RHOD: variants seen among roughly 807,000 people sequenced by gnomAD.
RHOD encodes the protein ras homolog family member D, also known as rho-related GTP-binding protein RhoD.
In RHOD, 11 loss-of-function variants were observed where a neutral mutation model predicts 16.7. That is an observed-to-expected ratio of 0.66 (90% CI 0.41 to 1.09). The LOEUF is 1.09. Ranked by LOEUF, RHOD falls within the 50% of genes least tolerant of loss-of-function variation. The pLI is 0.00. For synonymous variants in RHOD, 124 were observed against 126.3 expected, an observed-to-expected ratio of 0.98 and a Z score of 0.12; for missense variants, 271 against 291.7, an observed-to-expected ratio of 0.93 and a Z score of 0.52.
chr11:67,061,838 G>GTA (rs1355850174), intron 1 of RHOD, among the ~76,000 whole-genome samples: 14 of 144,518 alleles, frequency 9.7e-5, no homozygotes, highest in African/African-American at 2.8e-4. Flanking sequence ...GTGTGTGTGT[G>GTA]TGTGTGTATA....
intron 3 of RHOD, among the ~76,000 whole-genome samples, chr11:67,069,174 C>T (rs879232674): frequency 1.3e-5 from 2 of 151,960 alleles, no homozygotes. Context: ...CCAAACCAGC[C>T]GACTTCAGCC....
Position 67,071,499 on chromosome 11 carries a change from A to C in RHOD, c.530A>C (p.Asp177Ala), listed in dbSNP as rs775990016. The C allele has an allele frequency of 1.2e-6, 2 of 1,611,170 alleles. No individual in the cohort carries two copies. Among genetic ancestry groups the C allele is most frequent in the South Asian group, 1.1e-5 (1 of 91,024 alleles). The change falls in exon 5 of 5, where the codon GAC becomes GCC. Residue 177 changes from aspartate to alanine, a missense_variant. Coordinates refer to ENST00000308831, the MANE Select transcript of RHOD (RefSeq NM_014578.4). ...AYLECSARLH[D>A]NVHAVFQEAA... ...CTCGAGTGCTCGGCTCGGCTCCATG[A>C]CAACGTCCACGCCGTCTTCCAGGAG...
At chr11:67,065,123 T>C (rs1175047674) in intron 1 of RHOD, among the ~76,000 whole-genome samples, 1 of 151,678 alleles carries the variant, frequency 6.6e-6, no homozygotes, top group Admixed American at 6.6e-5. Flanking sequence ...TCACCCAGAC[T>C]GGAATGCAAT....
At chr11:67,063,462 A>G (rs972513042) in intron 1 of RHOD, among the ~76,000 whole-genome samples, 4 of 147,954 alleles carry the variant, frequency 2.7e-5, no homozygotes, top group Admixed American at 2.0e-4. Flanking sequence ...CACTGCACTC[A>G]GGCCTGGGTG....
intron 1 of RHOD, among the ~76,000 whole-genome samples, chr11:67,061,941 G>A (rs545580681): frequency 2.4e-4 from 36 of 151,288 alleles, no homozygotes; most frequent in African/African-American, 7.8e-4. Flanking sequence ...GGCAGAGGCT[G>A]CAGTGAGCAA....
chr11:67,063,393 T>C (rs1016770360), intron 1 of RHOD, among the ~76,000 whole-genome samples: 5 of 151,546 alleles, frequency 3.3e-5, no homozygotes, highest in African/African-American at 1.2e-4. Flanking sequence ...CTCAGGAGGC[T>C]GAGGTAGGAG....
chr11:67,069,196 C>A (rs1017596610), intron 3 of RHOD, among the ~76,000 whole-genome samples: 1 of 151,996 alleles, frequency 6.6e-6, no homozygotes, highest in African/African-American at 2.4e-5. Context: ...ACTTAGTGCT[C>A]CTGGAGATAG....
In RHOD at chr11:67,066,856, T is replaced by G; in HGVS notation, c.330+9T>G. 1 of 1,589,164 alleles carries G rather than the reference T, an allele frequency of 6.3e-7. No homozygotes were observed. The highest frequency in any genetic ancestry group is 1.3e-5 in the African/African-American group (1 of 74,542). On this transcript the variant is annotated intron_variant, in intron 3 of 4. Coordinates refer to ENST00000308831, the MANE Select transcript of RHOD (RefSeq NM_014578.4). ...ACAACATCTTTAACCGGGTAGGTAC[T>G]GGGGGGCAGGGAGGCATAGCCCCCA... is the stretch of plus-strand genomic sequence containing the variant.
chr11:67,069,387 C>G (rs529277431), intron 3 of RHOD, among the ~76,000 whole-genome samples: 3 of 152,118 alleles, frequency 2.0e-5, no homozygotes, highest in South Asian at 4.1e-4. Flanking sequence ...GAGACGGAGT[C>G]TCACTCTGTA....
At position 67,066,836 on chromosome 11, in the gene RHOD, A is replaced by T; in HGVS notation, c.319A>T (p.Ile107Phe). Residue 107 changes from isoleucine (I) to phenylalanine (F), a missense_variant, in exon 3 of 5, where the codon ATC becomes TTC. Ile to Phe is a conservative substitution (Grantham distance 21). Coordinates refer to ENST00000308831, the MANE Select transcript of RHOD (RefSeq NM_014578.4). ...CACCAGCCCGAACAGCTTTGACAAC[A>T]TCTTTAACCGGGTAGGTACTGGGGG... is the stretch of plus-strand genomic sequence containing the variant. ...DVTSPNSFDN[I>F]FNRWYPEVNH... The T allele has an allele frequency of 6.2e-7, 1 of 1,611,346 alleles. No homozygotes were observed. Among genetic ancestry groups the T allele is most frequent in the Non-Finnish European group, 8.5e-7 (1 of 1,177,544 alleles).
rs936200832 is a variant in RHOD at position 67,070,652 on chromosome 11, G to A, written c.465+93G>A. 17 of 1,504,680 alleles carry A rather than the reference G, an allele frequency of 1.1e-5. No individual in the cohort carries two copies. The Admixed American group carries it at 2.9e-4, about 26-fold the overall frequency. The allele number at this position is 1,504,680 out of a possible 1,614,324, so 93.2% of individuals were successfully genotyped here. A position where few individuals can be genotyped will look rare whatever the true frequency, so the allele number is the denominator to read the frequency against. On this transcript the variant is annotated intron_variant, in intron 4 of 4. Coordinates refer to ENST00000308831, the MANE Select transcript of RHOD (RefSeq NM_014578.4). ...TGGCACCAGGTGTCCAGAACGCTCA[G>A]GGTGTAGGTCAGAGCTGCGGTCGTC...
At chr11:67,059,345 G>C (rs1168953096) in intron 1 of RHOD, among the ~76,000 whole-genome samples, 2 of 152,062 alleles carry the variant, frequency 1.3e-5, no homozygotes, top group East Asian at 3.9e-4. Flanking sequence ...TTCAAGACCA[G>C]CCTGGCCAAC....
chr11:67,066,006 G>T, intron 2 of RHOD, 23 bp downstream of exon 2: 3 of 1,425,062 alleles, frequency 2.1e-6, no homozygotes, highest in South Asian at 2.3e-5. Flanking sequence ...GGGTGGGGCA[G>T]GGTGGGAGGG....
chr11:67,061,225 C>G (rs575946238), intron 1 of RHOD, among the ~76,000 whole-genome samples: 1 of 152,112 alleles, frequency 6.6e-6, no homozygotes, highest in Non-Finnish European at 1.5e-5. Context: ...ATTGGCCAGG[C>G]GTGGTGGCTC....
chr11:67,068,941 G>T (rs527804056), intron 3 of RHOD, among the ~76,000 whole-genome samples: 99 of 152,162 alleles, frequency 6.5e-4, no homozygotes, highest in Non-Finnish European at 1.1e-3. Flanking sequence ...CAGGAATGAG[G>T]TAGTTTGATG....
At chr11:67,066,920 A>G in intron 3 of RHOD, 73 bp downstream of exon 3, 4 of 1,010,312 alleles carry the variant, frequency 4.0e-6, no homozygotes, top group Non-Finnish European at 6.4e-6. Context: ...CCCTCGACCC[A>G]GCTGACTGTC....
rs1048201975 is a variant in RHOD, at chr11:67,071,875, G to C, written c.*273G>C. ...GGACCGACATCCTGGAGCCGCCTGT[G>C]CAGCCTGATGCCCCCTCGTGGCTGC... On this transcript the variant is annotated 3_prime_UTR_variant, in exon 5 of 5. Coordinates refer to ENST00000308831, the MANE Select transcript of RHOD (RefSeq NM_014578.4). 3 of 402,558 alleles carry C rather than the reference G, an allele frequency of 7.5e-6. No individual in the cohort carries two copies. The highest frequency in any genetic ancestry group is 1.3e-5 in the Non-Finnish European group (3 of 227,510). 24.9% of individuals were successfully genotyped at this position (402,558 alleles called of 1,614,324 possible).
Position 67,056,899 on chromosome 11 carries a change from C to T in RHOD, c.-4C>T, listed in dbSNP as rs1590666513. 1 of 1,441,216 alleles carries T rather than the reference C, an allele frequency of 6.9e-7. No homozygotes were observed. Among genetic ancestry groups the T allele is most frequent in the Non-Finnish European group, 9.0e-7 (1 of 1,105,594 alleles). The allele number at this position is 1,441,216 out of a possible 1,614,324, so 89.3% of individuals were successfully genotyped here. ...CGCCCGCCCGCTCAGCGCCCGGCCC[C>T]GGGATGACGGCGGCCCAGGCCGCGG... On this transcript the variant is annotated 5_prime_UTR_variant, in exon 1 of 5. Transcript: ENST00000308831.
chr11:67,059,518 G>A (rs57897522), intron 1 of RHOD, among the ~76,000 whole-genome samples: 3,113 of 151,714 alleles, frequency 0.021, 126 homozygotes, highest in African/African-American at 0.07. Flanking sequence ...ACTCCAGCTC[G>A]GGGACAACAG....
Sources: allele counts gnomAD v4.1 joint callset (sites outside exome capture counted in the v4.1 genomes callset), GRCh38; gene constraint gnomAD v4.1.1; transcripts MANE v1.5; gene names NCBI Gene and HGNC (gene_info 2026-07-23, HGNC 2026-07-21).